The following RANBP2 variants were observed in gnomAD, a reference collection of about 807,000 sequenced individuals.
The protein encoded by RANBP2 is E3 SUMO-protein ligase RanBP2.
In RANBP2, 57 loss-of-function variants were observed where a neutral mutation model predicts 303.6. The observed-to-expected ratio is 0.19, with a 90% CI of 0.15 to 0.23. The LOEUF (loss-of-function observed/expected upper bound fraction) is 0.23. RANBP2 is among the 10% of genes least tolerant of loss of function. The pLI is 1.00. For missense variants in RANBP2, 3,138 were observed against 3,780.8 expected (o/e 0.83, Z 4.46); for synonymous variants, 1,167 against 1,301.5 (o/e 0.90, Z 2.23).
the RANBP2 span, among the ~76,000 whole-genome samples, chr2:109,453,554 G>T: frequency 7.2e-5 from 11 of 152,152 alleles, no homozygotes; most frequent in Non-Finnish European, 1.6e-4. Flanking sequence ...GCTGCGTGCA[G>T]TTGGCATCCC....
the RANBP2 span, among the ~76,000 whole-genome samples, chr2:109,200,507 C>T: frequency 6.6e-6 from 1 of 152,148 alleles, no homozygotes; most frequent in South Asian, 2.1e-4. Flanking sequence ...GTCGGCGGGT[C>T]CAAGCCTCCG....
the RANBP2 span, among the ~76,000 whole-genome samples, chr2:109,510,895 G>A: frequency 6.6e-6 from 1 of 152,204 alleles, no homozygotes; most frequent in Non-Finnish European, 1.5e-5. Flanking sequence ...GGCCCTTCCA[G>A]GAGCCCCTGG....
the RANBP2 span, among the ~76,000 whole-genome samples, chr2:109,529,225 A>G: frequency 1.3e-5 from 2 of 152,144 alleles, no homozygotes; most frequent in African/African-American, 2.4e-5. Flanking sequence ...TGGGGTGCCC[A>G]GTCTGGTCTT....
the RANBP2 span, among the ~76,000 whole-genome samples, chr2:109,436,594 G>T: frequency 0.035 from 5,303 of 152,324 alleles, 281 homozygotes; most frequent in African/African-American, 0.11. Flanking sequence ...ACAGCTGTTT[G>T]TAAGAACAAA....
the RANBP2 span, among the ~76,000 whole-genome samples, chr2:108,805,227 GA>G: frequency 2.0e-5 from 3 of 151,950 alleles, no homozygotes; most frequent in African/African-American, 7.2e-5. Flanking sequence ...ACAAACAAAA[GA>G]AAAAAACCTG....
chr2:109,420,488 C>A, the RANBP2 span, among the ~76,000 whole-genome samples: 2 of 152,118 alleles, frequency 1.3e-5, no homozygotes, highest in Admixed American at 1.3e-4. Flanking sequence ...CTCTGTCTCC[C>A]AGGCTGGAGT....
chr2:108,952,283 G>T, the RANBP2 span, among the ~76,000 whole-genome samples: 2 of 152,152 alleles, frequency 1.3e-5, no homozygotes, highest in African/African-American at 4.8e-5. Context: ...CATGTGAAGG[G>T]GACTGGGAGA....
At chr2:108,794,440 A>G in the RANBP2 span, 2 of 1,078,714 alleles carry the variant, frequency 1.9e-6, no homozygotes, top group Admixed American at 2.9e-5. Context: ...TTTTAATGTT[A>G]TATTTTGTAC....
the RANBP2 span, among the ~76,000 whole-genome samples, chr2:109,028,239 C>T: frequency 6.6e-6 from 1 of 152,144 alleles, no homozygotes; most frequent in Non-Finnish European, 1.5e-5. Flanking sequence ...CCACTGCACT[C>T]CACTCTGGGT....
the RANBP2 span, among the ~76,000 whole-genome samples, chr2:109,721,585 A>G: frequency 6.6e-6 from 1 of 152,252 alleles, no homozygotes; most frequent in African/African-American, 2.4e-5. Context: ...GCACAGCTAG[A>G]GGCAGAAGCA....
At chr2:108,839,367 T>A in the RANBP2 span, 2 of 1,306,714 alleles carry the variant, frequency 1.5e-6, no homozygotes, top group Non-Finnish European at 2.1e-6. Flanking sequence ...TGATCTTGTT[T>A]CACAATATCT....
chr2:109,014,434 A>G, the RANBP2 span, among the ~76,000 whole-genome samples: 2 of 152,198 alleles, frequency 1.3e-5, no homozygotes, highest in Admixed American at 6.5e-5. Context: ...CCTGTGGTTC[A>G]TATCTGTTGA....
At chr2:109,495,478 T>C in the RANBP2 span, among the ~76,000 whole-genome samples, 1 of 19,004 alleles carries the variant, frequency 5.3e-5, no homozygotes, top group South Asian at 1.6e-3. Flanking sequence ...CTTTCATTCC[T>C]TTTTTTTTTT....
At chr2:109,338,024 G>A in the RANBP2 span, among the ~76,000 whole-genome samples, 5 of 152,034 alleles carry the variant, frequency 3.3e-5, no homozygotes, top group African/African-American at 7.2e-5. Context: ...GAGCCACCGC[G>A]CCCAGGCTCC....
the RANBP2 span, among the ~76,000 whole-genome samples, chr2:109,401,614 T>A: frequency 6.6e-6 from 1 of 152,190 alleles, no homozygotes; most frequent in African/African-American, 2.4e-5. Flanking sequence ...ACAGGGCCCA[T>A]GACTTTGCAA....
chr2:109,060,386 C>T, the RANBP2 span, among the ~76,000 whole-genome samples: 2 of 152,070 alleles, frequency 1.3e-5, no homozygotes, highest in African/African-American at 4.8e-5. Context: ...GCCTTTGGAA[C>T]AAGCAAAAAA....
the RANBP2 span, chr2:109,614,858 C>A: frequency 7.1e-7 from 1 of 1,401,140 alleles, no homozygotes; most frequent in Middle Eastern, 2.6e-4. Context: ...ACGCGGCGGC[C>A]CCGGAGTCGC....
the RANBP2 span, among the ~76,000 whole-genome samples, chr2:109,211,594 G>A: frequency 2.0e-5 from 3 of 152,116 alleles, no homozygotes; most frequent in Non-Finnish European, 4.4e-5. Flanking sequence ...CAGCAGTGGG[G>A]AGCATTAGAC....
the RANBP2 span, among the ~76,000 whole-genome samples, chr2:109,144,203 G>T: frequency 6.6e-6 from 1 of 152,304 alleles, no homozygotes; most frequent in South Asian, 2.1e-4. Context: ...GTATTTTCAT[G>T]ACACCACGAA....
Sources: allele counts gnomAD v4.1 joint callset (sites outside exome capture counted in the v4.1 genomes callset), GRCh38; gene constraint gnomAD v4.1.1; transcripts MANE v1.5; gene names NCBI Gene and HGNC (gene_info 2026-07-23, HGNC 2026-07-21).